The following CNTNAP5 variants were observed in gnomAD, a reference collection of about 807,000 sequenced individuals.
CNTNAP5 encodes the protein contactin-associated protein-like 5.
A neutral mutation model predicts 150.2 loss-of-function variants in CNTNAP5; 72 were observed. The ratio of observed to expected loss-of-function variants is 0.48; its 90% CI spans 0.40 to 0.58. The LOEUF (loss-of-function observed/expected upper bound fraction) is 0.58, where lower values mean the gene tolerates loss of function less well. Ranked by LOEUF, CNTNAP5 falls within the 20% of genes least tolerant of loss-of-function variation. The pLI is 0.00. For synonymous variants in CNTNAP5, 672 were observed against 619.8 expected (o/e 1.08, Z -1.25); for missense variants, 1,636 against 1,626.2 (o/e 1.01, Z -0.10).
chr2:124,787,229 A>G (rs768451890), intron 17 of CNTNAP5, among the ~76,000 whole-genome samples: 21 of 152,244 alleles, frequency 1.4e-4, no homozygotes, highest in Non-Finnish European at 2.8e-4. Flanking sequence ...GGGAGTGACA[A>G]CAAAATGAGA....
intron 1 of CNTNAP5, among the ~76,000 whole-genome samples, chr2:124,161,622 C>T (rs1391936940): frequency 6.6e-6 from 1 of 152,074 alleles, no homozygotes; most frequent in Non-Finnish European, 1.5e-5. Context: ...AGTGTGGACC[C>T]ACTCCTTGCT....
rs1491185826 is a variant in CNTNAP5, at chr2:124,546,363, AAT to A, written c.1650-16853_1650-16852del. 2.1e-4 allele frequency among the ~76,000 whole-genome samples: 22 copies of A among 105,638 alleles called. 1 individual carries two copies. In the South Asian group the frequency reaches 7.0e-3, roughly 33 times the overall value. The allele number at this position is 105,638 out of a possible 152,430, so 69.3% of individuals were successfully genotyped here. Reference sequence around the variant, plus strand: ...GTGTTTCTTTACTGCAGGATTTCTCAATGTGTGTGTGTGTGTGTGTGCAAGTG... The same window carrying A: ...GTGTTTCTTTACTGCAGGATTTCTCAGTGTGTGTGTGTGTGTGTGCAAGTG... On this transcript the variant is annotated intron_variant, in intron 10 of 23. Coordinates refer to ENST00000682447, the MANE Select transcript of CNTNAP5 (RefSeq NM_001367498.1).
Position 124,493,372 on chromosome 2 carries a change from G to A in CNTNAP5, c.1063-10920G>A, listed in dbSNP as rs548117765. On this transcript the variant is annotated intron_variant, in intron 7 of 23. Transcript: ENST00000682447. The stretch of plus-strand genomic sequence containing the variant: ...TATTATTATTTTGAGACAGAATCTC[G>A]CTTTGTCACTTAGACTGAGGTACAG... Among the ~76,000 whole-genome samples the A allele has an allele frequency of 4.5e-4, 68 of 151,014 alleles. No homozygotes were observed. The Middle Eastern group carries it at 0.014, about 31-fold the overall frequency.
chr2:124,281,314 T>C (rs557403266), intron 3 of CNTNAP5, among the ~76,000 whole-genome samples: 1 of 152,262 alleles, frequency 6.6e-6, no homozygotes, highest in East Asian at 1.9e-4. Flanking sequence ...AAAATAAACA[T>C]ATTCTTTAAA....
chr2:124,654,975 A>G (rs1678409461), intron 13 of CNTNAP5, among the ~76,000 whole-genome samples: 2 of 150,236 alleles, frequency 1.3e-5, no homozygotes, highest in Non-Finnish European at 3.0e-5. Context: ...TATTATTATT[A>G]TTGTTATTAT....
At chr2:124,869,524 G>A (rs1437140082) in intron 20 of CNTNAP5, 151 bp from the exon 21 acceptor site, 3 of 556,864 alleles carry the variant, frequency 5.4e-6, no homozygotes, top group East Asian at 2.9e-5. Context: ...GGGCAAATTA[G>A]CGAGACCTGT....
chr2:124,312,806 G>A (rs1052656003), intron 3 of CNTNAP5, among the ~76,000 whole-genome samples: 3 of 152,110 alleles, frequency 2.0e-5, no homozygotes, highest in African/African-American at 4.8e-5. Context: ...TCCTGACCTC[G>A]TGATCCACCC....
chr2:124,448,163 G>A (rs757785121), intron 6 of CNTNAP5, among the ~76,000 whole-genome samples: 1 of 152,004 alleles, frequency 6.6e-6, no homozygotes, highest in African/African-American at 2.4e-5. Context: ...TGATACTCAG[G>A]AGGCTGAGGC....
intron 4 of CNTNAP5, among the ~76,000 whole-genome samples, chr2:124,424,642 A>G (rs1323206069): frequency 6.6e-6 from 1 of 152,204 alleles, no homozygotes; most frequent in Admixed American, 6.5e-5. Flanking sequence ...GTGATCTTCC[A>G]TCTTAAATCA....
Position 124,622,301 on chromosome 2 carries a change from C to T in CNTNAP5, c.1876+12381C>T, listed in dbSNP as rs116608422. On this transcript the variant is annotated intron_variant, in intron 12 of 23. Transcript: ENST00000682447. ...CCATGTCCCTGCAAAGACATGATCT[C>T]ATTTCTTTTTATTGCTGCATAGTAT... is the stretch of plus-strand genomic sequence containing the variant. Among the ~76,000 whole-genome samples the T allele has an allele frequency of 2.8e-3, 431 of 152,262 alleles. 2 individuals carry two copies. The highest frequency in any genetic ancestry group is 9.8e-3 in the African/African-American group (406 of 41,532).
intron 7 of CNTNAP5, among the ~76,000 whole-genome samples, chr2:124,496,688 T>C (rs115167191): frequency 0.017 from 2,612 of 152,290 alleles, 28 homozygotes; most frequent in Non-Finnish European, 0.029. Context: ...TCTTAAAAAT[T>C]AGTTTCCTGG....
At chr2:124,326,046 A>G (rs1194215929) in intron 3 of CNTNAP5, among the ~76,000 whole-genome samples, 1 of 152,058 alleles carries the variant, frequency 6.6e-6, no homozygotes, top group Non-Finnish European at 1.5e-5. Context: ...ATAAATGAAG[A>G]TAACAAATAA....
intron 2 of CNTNAP5, among the ~76,000 whole-genome samples, chr2:124,235,206 C>T (rs1425453959): frequency 1.3e-5 from 2 of 152,146 alleles, no homozygotes; most frequent in South Asian, 2.1e-4. Context: ...ATCAATCTGA[C>T]ACTCGCTGAG....
intron 13 of CNTNAP5, among the ~76,000 whole-genome samples, chr2:124,673,092 A>G (rs1239877930): frequency 1.3e-5 from 2 of 152,170 alleles, no homozygotes; most frequent in African/African-American, 4.8e-5. Flanking sequence ...GCTGTGCAAA[A>G]TGTAAATTGT....
chr2:124,718,943 TAAA>T (rs35290858), intron 13 of CNTNAP5, among the ~76,000 whole-genome samples: 2 of 138,558 alleles, frequency 1.4e-5, no homozygotes. Flanking sequence ...AGACTCCATC[TAAA>T]AAAAAAAAAA....
At chr2:124,697,325 T>G (rs902624197) in intron 13 of CNTNAP5, among the ~76,000 whole-genome samples, 29 of 152,116 alleles carry the variant, frequency 1.9e-4, no homozygotes, top group African/African-American at 6.8e-4. Flanking sequence ...TCTTCTGAGA[T>G]TCCATCCAGG....
chr2:124,632,528 G>A (rs1158586317), intron 12 of CNTNAP5, among the ~76,000 whole-genome samples: 2 of 148,692 alleles, frequency 1.3e-5, no homozygotes, highest in South Asian at 2.2e-4. Flanking sequence ...ACAGGGAGGG[G>A]AACAGCACTT....
intron 10 of CNTNAP5, among the ~76,000 whole-genome samples, chr2:124,552,463 T>A (rs1039445973): frequency 6.6e-6 from 1 of 152,194 alleles, no homozygotes; most frequent in Admixed American, 6.5e-5. Flanking sequence ...CTCAGATATC[T>A]GAACATCTTC....
chr2:124,313,729 C>A (rs1276484478), intron 3 of CNTNAP5, among the ~76,000 whole-genome samples: 1 of 152,194 alleles, frequency 6.6e-6, no homozygotes, highest in African/African-American at 2.4e-5. Context: ...GAGGATACAG[C>A]ATACACCCTA....
Sources: gnomAD v4.1 joint callset for allele counts (sites outside exome capture counted in the v4.1 genomes callset) on GRCh38, gnomAD v4.1.1 for gene constraint, MANE v1.5 for transcripts, NCBI Gene and HGNC (gene_info 2026-07-23, HGNC 2026-07-21) for gene names.